COP1: variants seen among roughly 807,000 people sequenced by gnomAD.
COP1 encodes the protein E3 ubiquitin-protein ligase COP1.
A neutral mutation model predicts 101.3 loss-of-function variants in COP1; 24 were observed. The ratio of observed to expected loss-of-function variants is 0.24; its 90% CI spans 0.17 to 0.33. The LOEUF is 0.33. Ranked by LOEUF, COP1 falls within the 10% of genes least tolerant of loss-of-function variation. The probability of loss-of-function intolerance (pLI) is 1.00; values close to 1 mark genes in which losing one functional copy is unlikely to be tolerated. For missense variants in COP1, 663 were observed against 906.2 expected, an observed-to-expected ratio of 0.73 and a Z score of 3.45; for synonymous variants, 347 against 341.9, an observed-to-expected ratio of 1.01 and a Z score of -0.17.
intron 2 of COP1, among the ~76,000 whole-genome samples, chr1:176,177,176 T>G (rs531012956): frequency 6.6e-6 from 1 of 151,958 alleles, no homozygotes; most frequent in Non-Finnish European, 1.5e-5. Context: ...AATAAACTAC[T>G]CATAGTTATT....
intron 8 of COP1, chr1:176,134,026 C>A (rs1251552760): frequency 2.8e-6 from 1 of 363,380 alleles, no homozygotes; most frequent in Non-Finnish European, 5.4e-6. Flanking sequence ...CACAAGGATT[C>A]TCCATACTAT....
At chr1:176,084,448 A>C (rs1679747487) in intron 10 of COP1, among the ~76,000 whole-genome samples, 1 of 152,208 alleles carries the variant, frequency 6.6e-6, no homozygotes, top group Admixed American at 6.5e-5. Context: ...TATAAATTCA[A>C]TACCATCCCC....
chr1:176,206,698 C>T lies in COP1; in HGVS notation c.281G>A (p.Arg94Lys). Residue 94 changes from arginine (R) to lysine (K), a missense_variant, in exon 1 of 20, where the codon AGG (arginine) becomes AAG (lysine). By Grantham distance (26) the Arg-to-Lys change is conservative. Around this residue, in one of 4 missense-constraint regions of COP1, gnomAD observed 204 missense variants for 203.6 expected, o/e 1.00. Transcript: ENST00000367669. The part of the protein sequence containing the change: ...TGLSRHSCAA[R>K]PSAGVGGSSS... ...GCTGCCTCCTACGCCGGCGCTGGGC[C>T]TGGCCGCGCAGCTGTGCCGGGACAG... The T allele has an allele frequency of 1.2e-6, 2 of 1,604,096 alleles. No homozygotes were observed. Among genetic ancestry groups the T allele is most frequent in the South Asian group, 1.1e-5 (1 of 90,944 alleles).
intron 11 of COP1, among the ~76,000 whole-genome samples, chr1:176,076,003 C>CAAAAAAAA (rs60998287): frequency 2.1e-5 from 2 of 96,534 alleles, no homozygotes; most frequent in East Asian, 2.9e-4. Context: ...AACTCCATCT[C>CAAAAAAAA]AAAAAAAAAA....
chr1:176,154,957 A>C (rs911423151), intron 5 of COP1, among the ~76,000 whole-genome samples: 2 of 152,168 alleles, frequency 1.3e-5, no homozygotes, highest in Admixed American at 1.3e-4. Context: ...AGATTATTAG[A>C]CATAAAGAAC....
At chr1:175,993,760 A>C (rs961574011) in intron 15 of COP1, among the ~76,000 whole-genome samples, 1 of 152,222 alleles carries the variant, frequency 6.6e-6, no homozygotes, top group African/African-American at 2.4e-5. Context: ...GACCAAATCT[A>C]CGTCTGATTG....
intron 8 of COP1, chr1:176,134,036 T>A: frequency 2.8e-6 from 1 of 351,520 alleles, no homozygotes; most frequent in Non-Finnish European, 5.6e-6. Flanking sequence ...CTCCATACTA[T>A]AATTAATGGG....
intron 15 of COP1, among the ~76,000 whole-genome samples, chr1:176,012,668 C>T (rs1474079676): frequency 1.3e-5 from 2 of 151,378 alleles, no homozygotes; most frequent in African/African-American, 2.4e-5. Flanking sequence ...TAAAGGTGTA[C>T]CATTTTTTTT....
chr1:176,079,953 T>A (rs1678797449), intron 11 of COP1, among the ~76,000 whole-genome samples: 2 of 150,842 alleles, frequency 1.3e-5, no homozygotes, highest in South Asian at 2.1e-4. Flanking sequence ...AGCCTAGGAG[T>A]CTGAGGATCG....
At chr1:175,971,553 A>T (rs1653241787) in intron 18 of COP1, among the ~76,000 whole-genome samples, 1 of 151,072 alleles carries the variant, frequency 6.6e-6, no homozygotes, top group Non-Finnish European at 1.5e-5. Context: ...AAAATGCCAA[A>T]GTGTTTCCAA....
At chr1:175,947,743 T>A (rs767410053) in intron 18 of COP1, among the ~76,000 whole-genome samples, 4 of 151,210 alleles carry the variant, frequency 2.6e-5, no homozygotes, top group Non-Finnish European at 5.9e-5. Flanking sequence ...TAAGTTTTAA[T>A]AAAAGAATAA....
chr1:175,993,579 G>A (rs1022292942), intron 15 of COP1, among the ~76,000 whole-genome samples: 25 of 152,158 alleles, frequency 1.6e-4, no homozygotes, highest in African/African-American at 5.3e-4. Flanking sequence ...GCCAAGGCTC[G>A]AGAACTACGT....
intron 9 of COP1, among the ~76,000 whole-genome samples, chr1:176,090,760 C>T (rs1681126719): frequency 6.6e-6 from 1 of 152,022 alleles, no homozygotes; most frequent in Admixed American, 6.5e-5. Context: ...ATATAAAAGG[C>T]ATAAAAGAAT....
intron 2 of COP1, 37 bp from the exon 3 acceptor site, chr1:176,176,044 T>G: frequency 1.0e-6 from 1 of 992,324 alleles, no homozygotes. Context: ...CTTAATTAAA[T>G]CAATGAAAAA....
intron 18 of COP1, among the ~76,000 whole-genome samples, chr1:175,976,189 AT>A (rs373115144): frequency 1.3e-5 from 2 of 150,672 alleles, no homozygotes; most frequent in African/African-American, 4.9e-5. Context: ...TGGGAAAGGT[AT>A]AACTATTTTA....
intron 15 of COP1, among the ~76,000 whole-genome samples, chr1:176,007,872 C>T (rs1328669709): frequency 1.3e-5 from 2 of 152,222 alleles, no homozygotes; most frequent in East Asian, 3.9e-4. Flanking sequence ...TGGGCTCCAC[C>T]CAGTTCCAGC....
intron 9 of COP1, among the ~76,000 whole-genome samples, chr1:176,111,913 T>C (rs942082944): frequency 1.3e-5 from 2 of 152,142 alleles, no homozygotes; most frequent in Non-Finnish European, 2.9e-5. Context: ...CTAGTAGGGT[T>C]TCCTCCTCAA....
intron 15 of COP1, among the ~76,000 whole-genome samples, chr1:175,998,399 C>T (rs1314063820): frequency 1.3e-5 from 2 of 150,714 alleles, no homozygotes; most frequent in African/African-American, 2.4e-5. Context: ...CAGCATGGCA[C>T]ATGTATACAT....
chr1:176,023,246 T>C (rs1388887400), intron 15 of COP1, among the ~76,000 whole-genome samples: 2 of 152,178 alleles, frequency 1.3e-5, no homozygotes, highest in African/African-American at 2.4e-5. Context: ...CACACTATTA[T>C]ACGGTGAAGA....
Sources: allele counts gnomAD v4.1 joint callset (sites outside exome capture counted in the v4.1 genomes callset), GRCh38; gene constraint gnomAD v4.1.1; regional missense constraint gnomAD v4.1.1; transcripts MANE v1.5; gene names NCBI Gene and HGNC (gene_info 2026-07-23, HGNC 2026-07-21).